CCSER1: variants seen among roughly 807,000 people sequenced by gnomAD.
The protein encoded by CCSER1 is serine-rich coiled-coil domain-containing protein 1.
A neutral mutation model predicts 82.0 loss-of-function variants in CCSER1; 41 were observed. The ratio of observed to expected loss-of-function variants is 0.50; its 90% CI spans 0.39 to 0.65. The LOEUF is 0.65. Among genes scored for constraint, CCSER1 ranks in the 30% least tolerant of loss-of-function variants. CCSER1 has a pLI of 0.00. For missense variants in CCSER1, 1,119 were observed against 1,064.2 expected (o/e 1.05, Z -0.72); for synonymous variants, 414 against 383.9 (o/e 1.08, Z -0.92).
At chr4:90,649,457 C>T (rs1219448910) in intron 6 of CCSER1, 1 of 151,936 alleles carries the variant, frequency 6.6e-6, no homozygotes, top group East Asian at 1.9e-4. Flanking sequence ...ATCGTGGGGC[C>T]CTGAATCAGT....
chr4:90,938,373 T>A (rs934523966), intron 9 of CCSER1, among the ~76,000 whole-genome samples: 5 of 152,116 alleles, frequency 3.3e-5, no homozygotes, highest in Non-Finnish European at 5.9e-5. Context: ...TTATTAGAAC[T>A]TGTTTTTGTA....
intron 9 of CCSER1, among the ~76,000 whole-genome samples, chr4:90,985,088 G>C (rs1581262310): frequency 6.6e-6 from 1 of 151,652 alleles, no homozygotes; most frequent in African/African-American, 2.4e-5. Flanking sequence ...ACCTCTCTCT[G>C]TCGTTTTATT....
chr4:90,472,787 T>C (rs1764567186), intron 5 of CCSER1, among the ~76,000 whole-genome samples: 1 of 152,152 alleles, frequency 6.6e-6, no homozygotes, highest in Non-Finnish European at 1.5e-5. Flanking sequence ...TGAGAGTGAC[T>C]GTTCACAATA....
chr4:91,205,770 G>T (rs569327934), intron 10 of CCSER1, among the ~76,000 whole-genome samples: 1 of 150,852 alleles, frequency 6.6e-6, no homozygotes, highest in African/African-American at 2.4e-5. Context: ...TCATTTTGAG[G>T]CTCTGGACAT....
At chr4:90,724,700 A>G in intron 7 of CCSER1, 1 of 353,330 alleles carries the variant, frequency 2.8e-6, no homozygotes, top group South Asian at 2.3e-5. Context: ...AAAAAACTTA[A>G]AACGTTGGGA....
intron 10 of CCSER1, among the ~76,000 whole-genome samples, chr4:91,105,891 T>TC (rs1263141598): frequency 3.3e-5 from 5 of 152,294 alleles, no homozygotes; most frequent in African/African-American, 1.2e-4. Flanking sequence ...TGTTTTTTTT[T>TC]CACTTCACAT....
At chr4:90,413,986 A>ATATC in intron 4 of CCSER1, among the ~76,000 whole-genome samples, 1 of 90,144 alleles carries the variant, frequency 1.1e-5, no homozygotes, top group Admixed American at 1.1e-4. Flanking sequence ...AAAAAAATAT[A>ATATC]TATATATATA....
intron 9 of CCSER1, among the ~76,000 whole-genome samples, chr4:91,045,482 ATAAC>A (rs71919968): frequency 0.37 from 55,913 of 151,572 alleles, 11,484 homozygotes; most frequent in East Asian, 0.63. Flanking sequence ...TCCCTTAACA[ATAAC>A]TAGTGTTTAT....
chr4:90,957,252 C>T (rs1232122810), intron 9 of CCSER1, among the ~76,000 whole-genome samples: 1 of 147,558 alleles, frequency 6.8e-6, no homozygotes, highest in African/African-American at 2.5e-5. Flanking sequence ...CAGGCCCCCC[C>T]CACCACGTCC....
chr4:91,367,858 A>T (rs1029878875), intron 10 of CCSER1, among the ~76,000 whole-genome samples: 10 of 152,092 alleles, frequency 6.6e-5, no homozygotes, highest in Non-Finnish European at 1.2e-4. Context: ...TGATTATTTT[A>T]TGAGTAGCTC....
chr4:90,493,157 G>T (rs1463811884), intron 5 of CCSER1, among the ~76,000 whole-genome samples: 2 of 152,078 alleles, frequency 1.3e-5, no homozygotes, highest in Non-Finnish European at 1.5e-5. Flanking sequence ...TGGAAGAAAG[G>T]GTATCAGTGA....
chr4:91,170,029 C>G (rs887976433), intron 10 of CCSER1, among the ~76,000 whole-genome samples: 1 of 152,144 alleles, frequency 6.6e-6, no homozygotes, highest in Admixed American at 6.5e-5. Context: ...TGACCTGTGT[C>G]CTTTTTGACT....
At chr4:90,374,403 T>C (rs1273761733) in intron 3 of CCSER1, among the ~76,000 whole-genome samples, 4 of 152,068 alleles carry the variant, frequency 2.6e-5, no homozygotes, top group Non-Finnish European at 5.9e-5. Context: ...TTCGCCTCCT[T>C]TTTTGGGAGG....
At chr4:90,167,541 G>A (rs535448380) in intron 1 of CCSER1, among the ~76,000 whole-genome samples, 1 of 152,146 alleles carries the variant, frequency 6.6e-6, no homozygotes, top group Non-Finnish European at 1.5e-5. Context: ...TGTTACATAT[G>A]TATACATGTG....
intron 10 of CCSER1, among the ~76,000 whole-genome samples, chr4:91,503,138 C>A (rs952902088): frequency 2.6e-5 from 4 of 151,788 alleles, no homozygotes; most frequent in African/African-American, 9.7e-5. Flanking sequence ...GTCAGGAGAT[C>A]GAGACCATCC....
chr4:91,411,584 T>C (rs1753056519), intron 10 of CCSER1, among the ~76,000 whole-genome samples: 1 of 145,216 alleles, frequency 6.9e-6, no homozygotes, highest in Non-Finnish European at 1.5e-5. Context: ...TGACCTAATT[T>C]GTGTGCTTAG....
chr4:91,186,927 T>G (rs1011970991), intron 10 of CCSER1, among the ~76,000 whole-genome samples: 9 of 152,246 alleles, frequency 5.9e-5, no homozygotes, highest in Admixed American at 5.2e-4. Context: ...AGCATGGGCA[T>G]TAGGGCCATT....
At chr4:91,277,497 T>C (rs934077172) in intron 10 of CCSER1, among the ~76,000 whole-genome samples, 12 of 151,720 alleles carry the variant, frequency 7.9e-5, no homozygotes, top group Middle Eastern at 3.4e-3. Context: ...TCTCTGATTA[T>C]TTTTTGTTAT....
chr4:90,969,625 CA>C (rs1734896528), intron 9 of CCSER1, among the ~76,000 whole-genome samples: 1 of 151,740 alleles, frequency 6.6e-6, no homozygotes, highest in South Asian at 2.1e-4. Context: ...AAATGTCTAA[CA>C]AAAATTTAGA....
Sources: gnomAD v4.1 joint callset for allele counts (sites outside exome capture counted in the v4.1 genomes callset) on GRCh38, gnomAD v4.1.1 for gene constraint, MANE v1.5 for transcripts, NCBI Gene and HGNC (gene_info 2026-07-23, HGNC 2026-07-21) for gene names.